Variants in LIMD1 observed in about 807,000 individuals in gnomAD.
LIMD1 encodes LIM domain containing 1.
Under a neutral mutation model 58.4 loss-of-function variants are expected in LIMD1, and 23 were observed. The ratio of observed to expected loss-of-function variants is 0.39; its 90% CI spans 0.28 to 0.56. The LOEUF (loss-of-function observed/expected upper bound fraction) is 0.56, where lower values mean the gene tolerates loss of function less well. Ranked by LOEUF, LIMD1 falls within the 20% of genes least tolerant of loss-of-function variation. LIMD1 has a pLI of 0.57. For missense variants in LIMD1, 838 were observed against 855.5 expected (o/e 0.98, Z 0.25); for synonymous variants, 334 against 345.5 (o/e 0.97, Z 0.37).
rs191372076 is a variant in LIMD1 at position 45,625,117 on chromosome 3, A to G, written c.1409-11033A>G. Among the ~76,000 whole-genome samples, 13 of 152,000 alleles carry G rather than the reference A, an allele frequency of 8.6e-5. No homozygotes were observed. In the East Asian group the frequency reaches 2.5e-3, roughly 29 times the overall value. On this transcript the variant is annotated intron_variant, in intron 1 of 7. Transcript: ENST00000273317. ...CTTCCTGGAACCACTGCAGGGGGCCAGGACAGCCTAGGAGGCAGAGTGGTC... is the reference window on the plus strand; with the variant it reads ...CTTCCTGGAACCACTGCAGGGGGCCGGGACAGCCTAGGAGGCAGAGTGGTC...
At chr3:45,649,813 G>C (rs1285733308) in intron 2 of LIMD1, among the ~76,000 whole-genome samples, 1 of 127,202 alleles carries the variant, frequency 7.9e-6, no homozygotes, top group African/African-American at 3.0e-5. Context: ...TAGAATTCTA[G>C]CTTGATACTT....
chr3:45,641,196 G>T (rs757465390), intron 2 of LIMD1, among the ~76,000 whole-genome samples: 1 of 152,142 alleles, frequency 6.6e-6, no homozygotes, highest in African/African-American at 2.4e-5. Context: ...GACAGGGGAA[G>T]AATTTCTCAA....
chr3:45,666,594 C>T (rs1048027012), intron 3 of LIMD1, among the ~76,000 whole-genome samples: 1 of 152,112 alleles, frequency 6.6e-6, no homozygotes, highest in African/African-American at 2.4e-5. Flanking sequence ...CCCCAACAGC[C>T]TTCCTGTCCC....
In LIMD1 at chr3:45,681,902, A is replaced by G. The variant is rs1303994044; in HGVS notation, c.*4843A>G. ...TAAGGTCACTTTGTCTCTCTTGTGA[A>G]TGTTACTGTTTTTTCTCTTCTGAGG... On this transcript the variant is annotated 3_prime_UTR_variant, in exon 8 of 8. Coordinates refer to ENST00000273317, the MANE Select transcript of LIMD1 (RefSeq NM_014240.3). The G allele has an allele frequency of 6.6e-6, 1 of 152,176 alleles. No individual in the cohort carries two copies. The highest frequency in any genetic ancestry group is 6.5e-5 in the Admixed American group (1 of 15,280). 9.4% of individuals were successfully genotyped at this position (152,176 alleles called of 1,614,324 possible).
At chr3:45,663,527 T>C (rs1697470980) in intron 2 of LIMD1, among the ~76,000 whole-genome samples, 1 of 152,220 alleles carries the variant, frequency 6.6e-6, no homozygotes, top group South Asian at 2.1e-4. Context: ...TAGTTTGCAT[T>C]ATCCTGATTG....
intron 2 of LIMD1, among the ~76,000 whole-genome samples, chr3:45,659,877 C>T (rs1697404206): frequency 6.6e-6 from 1 of 152,214 alleles, no homozygotes; most frequent in Admixed American, 6.5e-5. Flanking sequence ...TCATCTTACA[C>T]TCTCAGCAGT....
At chr3:45,637,774 C>T (rs745512535) in intron 2 of LIMD1, among the ~76,000 whole-genome samples, 5 of 152,232 alleles carry the variant, frequency 3.3e-5, no homozygotes, top group Non-Finnish European at 4.4e-5. Flanking sequence ...GGCCTCCTAA[C>T]CTGCTGAGCC....
intron 1 of LIMD1, among the ~76,000 whole-genome samples, chr3:45,619,731 G>A (rs1015135783): frequency 1.3e-5 from 2 of 152,016 alleles, no homozygotes; most frequent in Non-Finnish European, 2.9e-5. Context: ...CCTGGGAAGC[G>A]GAGGTTGTGG....
chr3:45,599,198 A>G (rs543254007), intron 1 of LIMD1, among the ~76,000 whole-genome samples: 2 of 152,144 alleles, frequency 1.3e-5, no homozygotes, highest in Non-Finnish European at 2.9e-5. Flanking sequence ...ACCATTTTGA[A>G]GTGAACAATT....
chr3:45,614,837 A>G (rs1701561791), intron 1 of LIMD1, among the ~76,000 whole-genome samples: 1 of 151,132 alleles, frequency 6.6e-6, no homozygotes. Flanking sequence ...GAAAGTATAG[A>G]AAAAAATTGG....
rs999661849 is a variant in LIMD1, at chr3:45,677,424, C to A, written c.*365C>A. 1.6e-5 allele frequency: 3 copies of A among 190,664 alleles called. No individual in the cohort carries two copies. Among genetic ancestry groups the A allele is most frequent in the African/African-American group, 7.0e-5 (3 of 42,940 alleles). The allele number at this position is 190,664 out of a possible 1,614,324, so 11.8% of individuals were successfully genotyped here. ...TTTTATTGAGCTTGTTTCACAATATCCCCTTGAAGGGACAGCTCAGCTGCC... is the reference window on the plus strand; with the variant it reads ...TTTTATTGAGCTTGTTTCACAATATACCCTTGAAGGGACAGCTCAGCTGCC... On this transcript the variant is annotated 3_prime_UTR_variant, in exon 8 of 8. Coordinates refer to ENST00000273317, the MANE Select transcript of LIMD1 (RefSeq NM_014240.3).
chr3:45,655,732 C>G (rs1219824049), intron 2 of LIMD1, among the ~76,000 whole-genome samples: 1 of 152,202 alleles, frequency 6.6e-6, no homozygotes, highest in Non-Finnish European at 1.5e-5. Context: ...TGGTGTTTAT[C>G]CCTCGGCTAT....
At chr3:45,640,550 C>T (rs1290194800) in intron 2 of LIMD1, among the ~76,000 whole-genome samples, 5 of 152,192 alleles carry the variant, frequency 3.3e-5, no homozygotes, top group Non-Finnish European at 7.3e-5. Context: ...GCCTCTCAGC[C>T]TCCTAAGTAG....
chr3:45,637,702 G>A (rs60758375), intron 2 of LIMD1, among the ~76,000 whole-genome samples: 4,602 of 152,304 alleles, frequency 0.03, 74 homozygotes, highest in Non-Finnish European at 0.04. Context: ...GGAAGAACTT[G>A]CTCACAGCCA....
rs969156878 is a variant in LIMD1, at chr3:45,637,967, C to T, written c.1510+1716C>T. ...TCTGGTTATCGAATTCTCTGGGTCT[C>T]TGTGCCTTTCCTTGTCTTTGAGCTA... On this transcript the variant is annotated intron_variant, in intron 2 of 7. Transcript: ENST00000273317. 1.3e-4 allele frequency among the ~76,000 whole-genome samples: 20 copies of T among 152,310 alleles called. No individual in the cohort carries two copies. In the South Asian group the frequency reaches 2.9e-3, roughly 22 times the overall value.
intron 1 of LIMD1, among the ~76,000 whole-genome samples, chr3:45,612,560 A>G (rs1459570718): frequency 2.0e-5 from 3 of 152,192 alleles, no homozygotes; most frequent in Non-Finnish European, 4.4e-5. Context: ...GTATTTGCAT[A>G]CAGAGAAATG....
chr3:45,648,828 A>T (rs530020048), intron 2 of LIMD1, among the ~76,000 whole-genome samples: 1 of 152,238 alleles, frequency 6.6e-6, no homozygotes, highest in Non-Finnish European at 1.5e-5. Flanking sequence ...ATGATTAATG[A>T]TGTTGAGCAT....
chr3:45,647,607 T>C (rs2125662174), intron 2 of LIMD1, among the ~76,000 whole-genome samples: 1 of 152,312 alleles, frequency 6.6e-6, no homozygotes, highest in Non-Finnish European at 1.5e-5. Context: ...TATGCCCTGT[T>C]TTGGGCAGAG....
At chr3:45,625,395 G>A (rs1206109879) in intron 1 of LIMD1, among the ~76,000 whole-genome samples, 1 of 152,104 alleles carries the variant, frequency 6.6e-6, no homozygotes, top group Non-Finnish European at 1.5e-5. Flanking sequence ...ACACAGTTGT[G>A]TATGTGCCTC....
Sources: gnomAD v4.1 joint callset for allele counts (sites outside exome capture counted in the v4.1 genomes callset) on GRCh38, gnomAD v4.1.1 for gene constraint, MANE v1.5 for transcripts, NCBI Gene and HGNC (gene_info 2026-07-23, HGNC 2026-07-21) for gene names.